The following AKR1C3 variants were observed in gnomAD, a reference collection of about 807,000 sequenced individuals.
AKR1C3 encodes the protein aldo-keto reductase family 1 member C3.
AKR1C3 carries 48 observed loss-of-function variants against 43.6 expected under a neutral mutation model. That is an observed-to-expected ratio of 1.10 (90% CI 0.87 to 1.40). AKR1C3 has a LOEUF of 1.40. AKR1C3 is among the 40% of genes most tolerant of loss of function. The probability of loss-of-function intolerance (pLI) is 0.00; values close to 1 mark genes in which losing one functional copy is unlikely to be tolerated. For synonymous variants in AKR1C3, 162 were observed against 139.6 expected, an observed-to-expected ratio of 1.16 and a Z score of -1.13; for missense variants, 482 against 391.2, an observed-to-expected ratio of 1.23 and a Z score of -1.96.
At chr10:5,070,634 T>C (rs1554781247) in intron 1 of AKR1C3, among the ~76,000 whole-genome samples, 1 of 152,238 alleles carries the variant, frequency 6.6e-6, no homozygotes, top group African/African-American at 2.4e-5. Flanking sequence ...CCAGACCCTA[T>C]TTTTCTGTCT....
At position 5,096,401 on chromosome 10, in the gene AKR1C3, C is replaced by G. The variant is rs1213360849; in HGVS notation, c.85-9C>G. 1.9e-6 allele frequency: 3 copies of G among 1,611,528 alleles called. No individual in the cohort carries two copies. Among genetic ancestry groups the G allele is most frequent in the Admixed American group, 1.7e-5 (1 of 59,876 alleles). The stretch of plus-strand genomic sequence containing the variant: ...GATCACCAGATACTACCTTTGGTTG[C>G]TCCTCCAGGTTCCGAGAAGTAAAGC... On this transcript the variant is annotated splice_polypyrimidine_tract_variant and intron_variant, in intron 1 of 8. Transcript: ENST00000380554.
chr10:5,071,321 C>G (rs1337276342), intron 1 of AKR1C3, among the ~76,000 whole-genome samples: 5 of 152,138 alleles, frequency 3.3e-5, no homozygotes, highest in Admixed American at 2.6e-4. Flanking sequence ...CAAGGGAGAT[C>G]AGTGGCAGAG....
chr10:5,050,851 G>A (rs571908744), intron 1 of AKR1C3, among the ~76,000 whole-genome samples: 5 of 152,138 alleles, frequency 3.3e-5, no homozygotes, highest in Non-Finnish European at 7.3e-5. Context: ...GTTTCATAAG[G>A]TAGGCAGGCA....
chr10:5,077,352 C>T (rs7901781), intron 1 of AKR1C3, among the ~76,000 whole-genome samples: 130,250 of 152,130 alleles, frequency 0.86, 55,904 homozygotes, highest in African/African-American at 0.91. Flanking sequence ...AGCAAGGAAG[C>T]TACAGTTATC....
At chr10:5,049,223 G>A (rs1158997930) in intron 1 of AKR1C3, among the ~76,000 whole-genome samples, 1 of 152,186 alleles carries the variant, frequency 6.6e-6, no homozygotes, top group Non-Finnish European at 1.5e-5. Flanking sequence ...GATGGCAATA[G>A]AAGTGGTTTC....
At chr10:5,056,984 T>A (rs1372773404) in intron 1 of AKR1C3, among the ~76,000 whole-genome samples, 2 of 152,180 alleles carry the variant, frequency 1.3e-5, no homozygotes, top group Admixed American at 6.5e-5. Context: ...GAAGTCAATT[T>A]CCTGGTCCTG....
chr10:5,067,204 A>G (rs1190785740), intron 1 of AKR1C3, among the ~76,000 whole-genome samples: 2 of 152,256 alleles, frequency 1.3e-5, no homozygotes, highest in East Asian at 1.9e-4. Context: ...ATAAGTGCAC[A>G]TAACAGATCC....
intron 1 of AKR1C3, among the ~76,000 whole-genome samples, chr10:5,055,382 C>A (rs1018142237): frequency 1.6e-4 from 25 of 152,214 alleles, no homozygotes; most frequent in African/African-American, 5.1e-4. Flanking sequence ...ATTTGAAGCA[C>A]CAGTCCCTCA....
chr10:5,065,161 G>A (rs1244427144), intron 1 of AKR1C3, among the ~76,000 whole-genome samples: 1 of 152,148 alleles, frequency 6.6e-6, no homozygotes, highest in Non-Finnish European at 1.5e-5. Context: ...TACACTGCTG[G>A]TGTATTAGTT....
At position 5,107,561 on chromosome 10, in the gene AKR1C3, G is replaced by A. The variant is rs371423804; in HGVS notation, c.*58G>A. Reference sequence around the variant, plus strand: ...CCCTGTGTGTGGATGGTGACGCAGAGGACGTCTCTATGCCGGTGACTGGAC... The same window carrying A: ...CCCTGTGTGTGGATGGTGACGCAGAAGACGTCTCTATGCCGGTGACTGGAC... On this transcript the variant is annotated 3_prime_UTR_variant, in exon 9 of 9. Transcript: ENST00000380554. 1 of 1,387,886 alleles carries A rather than the reference G, an allele frequency of 7.2e-7. No individual in the cohort carries two copies. Among genetic ancestry groups the A allele is most frequent in the Non-Finnish European group, 1.0e-6 (1 of 980,852 alleles). 86.0% of individuals were successfully genotyped at this position (1,387,886 alleles called of 1,614,324 possible).
chr10:5,096,061 G>A (rs148310014), intron 1 of AKR1C3: 137 of 170,580 alleles, frequency 8.0e-4, no homozygotes, highest in Non-Finnish European at 1.3e-3. Context: ...AGCTTGCACC[G>A]TTTCCCTTCT....
intron 6 of AKR1C3, 59 bp downstream of exon 6, chr10:5,102,269 A>T: frequency 6.3e-7 from 1 of 1,582,806 alleles, no homozygotes; most frequent in Non-Finnish European, 8.7e-7. Context: ...TTTTTTAGTC[A>T]GAGCATCCTC....
At chr10:5,067,254 A>G (rs928995356) in intron 1 of AKR1C3, among the ~76,000 whole-genome samples, 1 of 152,232 alleles carries the variant, frequency 6.6e-6, no homozygotes, top group Admixed American at 6.5e-5. Context: ...TAAGCAAGAA[A>G]AAATAATAAA....
rs782048590 is a variant in AKR1C3 at position 5,097,491 on chromosome 10, A to T, written c.310A>T (p.Lys104Ter). 1.9e-6 allele frequency: 3 copies of T among 1,613,756 alleles called. No homozygotes were observed. The African/African-American group carries it at 4.0e-5, about 22-fold the overall frequency. The change falls in exon 3 of 9, where the codon AAG becomes TAG. Residue 104 changes from lysine (K) to a stop codon, truncating the protein, a stop_gained. Coordinates refer to ENST00000380554, the MANE Select transcript of AKR1C3 (RefSeq NM_003739.6). LOFTEE classifies it high-confidence loss of function. ...CCGACCAGCCTTGGAAAACTCACTG[A>T]AGAAAGCTCAATTGGACTATGTTGA... ...LVRPALENSLKKAQLDYVDLY... is the reference protein window; with the variant it reads ...LVRPALENSL
At chr10:5,069,613 G>A (rs1451798491) in intron 1 of AKR1C3, among the ~76,000 whole-genome samples, 1 of 152,130 alleles carries the variant, frequency 6.6e-6, no homozygotes, top group East Asian at 1.9e-4. Context: ...GGTGGCTTAT[G>A]CCTGTAATTC....
chr10:5,090,144 G>A (rs1412177529), upstream of AKR1C3, among the ~76,000 whole-genome samples: 3 of 152,148 alleles, frequency 2.0e-5, no homozygotes, highest in South Asian at 2.1e-4. Context: ...GTTGTTTCAA[G>A]TGATGGGATG....
chr10:5,097,628 CT>C (rs782202734), intron 3 of AKR1C3, 78 bp downstream of exon 3: 47 of 1,603,890 alleles, frequency 2.9e-5, no homozygotes, highest in Non-Finnish European at 3.9e-5. Context: ...TTGAACAGAG[CT>C]TTTTATTAGG....
chr10:5,072,216 CA>C (rs1330591708), intron 1 of AKR1C3, among the ~76,000 whole-genome samples: 4 of 152,102 alleles, frequency 2.6e-5, no homozygotes, highest in African/African-American at 9.7e-5. Context: ...TGGCATAAGT[CA>C]AAATAAATGC....
At chr10:5,103,305 C>T (rs971418171) in intron 7 of AKR1C3, among the ~76,000 whole-genome samples, 1 of 150,128 alleles carries the variant, frequency 6.7e-6, no homozygotes, top group African/African-American at 2.4e-5. Flanking sequence ...TATTTATTCA[C>T]TTGGAGTTTT....
Sources: allele counts gnomAD v4.1 joint callset (sites outside exome capture counted in the v4.1 genomes callset), GRCh38; gene constraint gnomAD v4.1.1; transcripts MANE v1.5; gene names NCBI Gene and HGNC (gene_info 2026-07-23, HGNC 2026-07-21).